The following EPHA5 variants were observed in gnomAD, a reference collection of about 807,000 sequenced individuals.
EPHA5 encodes ephrin type-A receptor 5.
A neutral mutation model predicts 105.0 loss-of-function variants in EPHA5; 60 were observed. That is an observed-to-expected ratio of 0.57 (90% CI 0.46 to 0.71). EPHA5 has a LOEUF of 0.71. Ranked by LOEUF, EPHA5 falls within the 30% of genes least tolerant of loss-of-function variation. The pLI is 0.00. For missense variants in EPHA5, 1,218 were observed against 1,274.7 expected, an observed-to-expected ratio of 0.96 and a Z score of 0.68; for synonymous variants, 513 against 449.1, an observed-to-expected ratio of 1.14 and a Z score of -1.80.
chr4:65,482,252 CTTGCCATCG>C (rs1408386493), intron 5 of EPHA5, among the ~76,000 whole-genome samples: 2 of 149,044 alleles, frequency 1.3e-5, no homozygotes, highest in Non-Finnish European at 3.0e-5. Flanking sequence ...GAGCCAAAAT[CTTGCCATCG>C]CACTCCAGCC....
intron 5 of EPHA5, among the ~76,000 whole-genome samples, chr4:65,434,325 T>C (rs918387275): frequency 2.0e-5 from 3 of 152,116 alleles, no homozygotes; most frequent in African/African-American, 2.4e-5. Context: ...AAGAAGAGCA[T>C]CATTATTCAG....
chr4:65,420,395 G>GAA (rs138755728), intron 6 of EPHA5, 46 bp downstream of exon 6: 1,081 of 1,270,706 alleles, frequency 8.5e-4, no homozygotes, highest in African/African-American at 2.2e-3. Flanking sequence ...TTGCTAAAAT[G>GAA]AAAAAAAAAA....
At chr4:65,530,284 C>T (rs149535678) in intron 3 of EPHA5, among the ~76,000 whole-genome samples, 163 of 152,068 alleles carry the variant, frequency 1.1e-3, no homozygotes, top group Non-Finnish European at 3.2e-4. Context: ...ATAGATTTAA[C>T]GGCTGTTACT....
intron 5 of EPHA5, among the ~76,000 whole-genome samples, chr4:65,448,142 A>C (rs1335429176): frequency 6.6e-6 from 1 of 151,998 alleles, no homozygotes; most frequent in East Asian, 1.9e-4. Flanking sequence ...AAGTAAGATG[A>C]TGTATAAACT....
At chr4:65,335,501 A>G (rs566627393) in intron 15 of EPHA5, among the ~76,000 whole-genome samples, 1 of 152,188 alleles carries the variant, frequency 6.6e-6, no homozygotes, top group Non-Finnish European at 1.5e-5. Context: ...TAAAATATGA[A>G]TACTAAAATG....
chr4:65,325,117 A>G (rs764074264), intron 16 of EPHA5, among the ~76,000 whole-genome samples: 8 of 151,366 alleles, frequency 5.3e-5, no homozygotes, highest in Non-Finnish European at 7.4e-5. Context: ...AATGACAAAG[A>G]TGTTTGCCAT....
At chr4:65,540,877 A>C (rs1736762439) in intron 3 of EPHA5, among the ~76,000 whole-genome samples, 1 of 150,102 alleles carries the variant, frequency 6.7e-6, no homozygotes, top group Non-Finnish European at 1.5e-5. Flanking sequence ...AAAAAAAAAA[A>C]ACAAAAATCA....
intron 3 of EPHA5, among the ~76,000 whole-genome samples, chr4:65,565,054 A>C (rs1739391903): frequency 6.6e-6 from 1 of 151,704 alleles, no homozygotes; most frequent in African/African-American, 2.4e-5. Context: ...GGCTGGCAGA[A>C]GCATATAGAT....
chr4:65,631,469 A>G (rs2149491904), intron 2 of EPHA5, among the ~76,000 whole-genome samples: 1 of 152,276 alleles, frequency 6.6e-6, no homozygotes, highest in Middle Eastern at 3.4e-3. Flanking sequence ...GAATGATCAA[A>G]ACATAATGAA....
At chr4:65,346,081 TC>T (rs1560434297) in intron 14 of EPHA5, among the ~76,000 whole-genome samples, 13 of 68,276 alleles carry the variant, frequency 1.9e-4, no homozygotes, top group African/African-American at 6.6e-4. Flanking sequence ...TTCTTTTCTC[TC>T]TCTTTTTTTT....
At chr4:65,344,717 G>A (rs1233104547) in intron 14 of EPHA5, among the ~76,000 whole-genome samples, 1 of 152,244 alleles carries the variant, frequency 6.6e-6, no homozygotes, top group African/African-American at 2.4e-5. Context: ...ATGAAACCAC[G>A]CAGTGTTCTG....
At chr4:65,642,063 T>G (rs1747719907) in intron 2 of EPHA5, among the ~76,000 whole-genome samples, 1 of 151,998 alleles carries the variant, frequency 6.6e-6, no homozygotes, top group South Asian at 2.1e-4. Context: ...AATGTCTGAG[T>G]GGAAACAGGA....
At chr4:65,499,934 C>T (rs1314792167) in intron 3 of EPHA5, among the ~76,000 whole-genome samples, 2 of 150,822 alleles carry the variant, frequency 1.3e-5, no homozygotes, top group Non-Finnish European at 3.0e-5. Context: ...TGAGTCCACA[C>T]TTTCTGTCAA....
At chr4:65,494,388 A>C (rs1277323011) in intron 4 of EPHA5, among the ~76,000 whole-genome samples, 13 of 152,196 alleles carry the variant, frequency 8.5e-5, no homozygotes, top group Admixed American at 8.5e-4. Context: ...AAGCAGCTAC[A>C]ACTTTCTGGG....
chr4:65,503,237 C>A (rs1159935567), intron 3 of EPHA5, among the ~76,000 whole-genome samples: 3 of 151,708 alleles, frequency 2.0e-5, no homozygotes, highest in African/African-American at 7.3e-5. Flanking sequence ...TATCCGTGTA[C>A]CAACAAACCT....
At chr4:65,390,496 G>T (rs1194027530) in intron 8 of EPHA5, among the ~76,000 whole-genome samples, 1 of 151,966 alleles carries the variant, frequency 6.6e-6, no homozygotes, top group Non-Finnish European at 1.5e-5. Context: ...TAGGACCGGA[G>T]AGTATAATAA....
Position 65,365,962 on chromosome 4 carries a change from A to G in EPHA5, c.1957T>C (p.Cys653Arg), listed in dbSNP as rs1717869532. Residue 653 changes from cysteine (C) to arginine (R), a missense_variant, in exon 10 of 17, where the codon TGT (cysteine) becomes CGT (arginine). By Grantham distance (180) the Cys-to-Arg change is radical. Transcript: ENST00000613740. Reference protein sequence around the residue: ...HEFAKEIEASCITIERVIGAG... With the variant: ...HEFAKEIEASRITIERVIGAG... ...CCAATAACTCTCTCAATGGTGATAC[A>G]TGATGCTTCTATCTCCTTAGCAAAT... 5.0e-6 allele frequency: 8 copies of G among 1,609,094 alleles called. No homozygotes were observed. Among genetic ancestry groups the G allele is most frequent in the Non-Finnish European group, 6.8e-6 (8 of 1,176,518 alleles).
chr4:65,650,307 GGAGGCC>G (rs1248560810), intron 1 of EPHA5, among the ~76,000 whole-genome samples: 1 of 151,656 alleles, frequency 6.6e-6, no homozygotes, highest in Non-Finnish European at 1.5e-5. Context: ...CAGCACTTTG[GGAGGCC>G]GAGGCGGGCA....
At chr4:65,518,583 A>T (rs4541572) in intron 3 of EPHA5, among the ~76,000 whole-genome samples, 21,822 of 151,958 alleles carry the variant, frequency 0.14, 2,152 homozygotes, top group East Asian at 0.35. Flanking sequence ...AAAAGGCAAA[A>T]TCTGGTTTTA....
Sources: allele counts gnomAD v4.1 joint callset (sites outside exome capture counted in the v4.1 genomes callset), GRCh38; gene constraint gnomAD v4.1.1; transcripts MANE v1.5; gene names NCBI Gene and HGNC (gene_info 2026-07-23, HGNC 2026-07-21).